PLCE1: variants seen among roughly 807,000 people sequenced by gnomAD.
PLCE1 encodes the protein 1-phosphatidylinositol 4,5-bisphosphate phosphodiesterase epsilon-1.
A neutral mutation model predicts 242.8 loss-of-function variants in PLCE1; 119 were observed. That is an observed-to-expected ratio of 0.49 (90% CI 0.42 to 0.57). PLCE1 has a LOEUF of 0.57. Among genes scored for constraint, PLCE1 ranks in the 20% least tolerant of loss-of-function variants. PLCE1 has a pLI of 0.00. For missense variants in PLCE1, 2,441 were observed against 2,788.8 expected (o/e 0.88, Z 2.81); for synonymous variants, 945 against 1,017.4 (o/e 0.93, Z 1.35).
chr10:94,062,981 C>T (rs563190140), intron 2 of PLCE1, among the ~76,000 whole-genome samples: 2 of 152,282 alleles, frequency 1.3e-5, no homozygotes, highest in East Asian at 1.9e-4. Flanking sequence ...CTGGCACTCA[C>T]CTTCCATTGC....
chr10:94,095,383 ATCTC>A (rs920035656), intron 2 of PLCE1, among the ~76,000 whole-genome samples: 3 of 151,436 alleles, frequency 2.0e-5, no homozygotes. Flanking sequence ...TTGAGACAGG[ATCTC>A]TCTCTGTCAC....
Position 94,259,077 on chromosome 10 carries a change from T to G in PLCE1, c.3741T>G (p.Ser1247=). 6.2e-7 allele frequency: 1 copy of G among 1,614,112 alleles called. No individual in the cohort carries two copies. The highest frequency in any genetic ancestry group is 1.3e-5 in the African/African-American group (1 of 75,048). Residue 1247 remains serine (S), a synonymous_variant, in exon 13 of 33, where the codon TCT becomes TCG. Transcript: ENST00000371380. The part of the protein sequence containing the change: ...FDVYAVPCNR[S]GSESAPLYTN... Reference sequence around the variant, plus strand: ...TCTATGCAGTGCCCTGCAACCGATCTGGCTCCGAGTCAGCCCCACTCTACA... The same window carrying G: ...TCTATGCAGTGCCCTGCAACCGATCGGGCTCCGAGTCAGCCCCACTCTACA...
intron 13 of PLCE1, among the ~76,000 whole-genome samples, chr10:94,260,190 T>C (rs934611921): frequency 1.3e-5 from 2 of 152,136 alleles, no homozygotes; most frequent in African/African-American, 4.8e-5. Flanking sequence ...AGTTGTGTGT[T>C]CAATCACAGG....
intron 4 of PLCE1, among the ~76,000 whole-genome samples, chr10:94,171,804 C>A (rs2047988975): frequency 6.6e-6 from 1 of 152,112 alleles, no homozygotes; most frequent in South Asian, 2.1e-4. Context: ...TCTCCCCTAC[C>A]AACCCCTCAT....
At chr10:94,192,615 A>G (rs1400976534) in intron 4 of PLCE1, among the ~76,000 whole-genome samples, 4 of 152,092 alleles carry the variant, frequency 2.6e-5, no homozygotes, top group African/African-American at 7.2e-5. Flanking sequence ...ATGTTTTCCT[A>G]TTGTAAATAG....
At chr10:94,191,933 G>C (rs1439957649) in intron 4 of PLCE1, among the ~76,000 whole-genome samples, 2 of 152,196 alleles carry the variant, frequency 1.3e-5, no homozygotes, top group Non-Finnish European at 2.9e-5. Context: ...CTGAGAGGAT[G>C]ACCTACATCA....
chr10:94,295,596 A>T (rs1342256441), intron 23 of PLCE1, among the ~76,000 whole-genome samples: 1 of 152,174 alleles, frequency 6.6e-6, no homozygotes, highest in African/African-American at 2.4e-5. Context: ...TCCTCCCATG[A>T]ATCATGAATG....
intron 2 of PLCE1, among the ~76,000 whole-genome samples, chr10:94,034,351 T>G (rs1206895151): frequency 1.3e-5 from 2 of 152,166 alleles, no homozygotes; most frequent in Non-Finnish European, 2.9e-5. Context: ...GCTAAATAAT[T>G]TACATATTCC....
At chr10:94,310,786 G>T (rs1030922052) in intron 27 of PLCE1, among the ~76,000 whole-genome samples, 1 of 152,120 alleles carries the variant, frequency 6.6e-6, no homozygotes, top group Non-Finnish European at 1.5e-5. Flanking sequence ...TCTGGCAACA[G>T]CTGGGTGTCC....
rs117149466 is a variant in PLCE1, at chr10:94,326,363, T to A, written c.*24+1259T>A. ...AAGAAGGCCCAATACATTGAGATCA[T>A]GTTTCCACATTTAAAGAGCAACTCC... On this transcript the variant is annotated intron_variant, in intron 32 of 32. Coordinates refer to ENST00000371380, the MANE Select transcript of PLCE1 (RefSeq NM_016341.4). Among the ~76,000 whole-genome samples, 814 of 152,340 alleles carry A rather than the reference T, an allele frequency of 5.3e-3. 4 individuals are homozygous for A. The highest frequency in any genetic ancestry group is 9.2e-3 in the Non-Finnish European group (624 of 68,030).
chr10:94,019,025 A>G (rs1838248101), intron 1 of PLCE1, among the ~76,000 whole-genome samples: 1 of 152,194 alleles, frequency 6.6e-6, no homozygotes, highest in Non-Finnish European at 1.5e-5. Context: ...AGAGGTTTTT[A>G]TAATGATAAG....
chr10:94,139,601 A>G (rs779991871), intron 3 of PLCE1: 5 of 152,228 alleles, frequency 3.3e-5, no homozygotes, highest in Non-Finnish European at 5.9e-5. Flanking sequence ...TTTATTTACT[A>G]AACATAAATA....
chr10:94,068,857 G>A (rs759740072), intron 2 of PLCE1, among the ~76,000 whole-genome samples: 1 of 152,164 alleles, frequency 6.6e-6, no homozygotes, highest in African/African-American at 2.4e-5. Flanking sequence ...AGTACCACTC[G>A]ACTGTATTAA....
At chr10:94,256,375 TAGAA>T (rs1407026884) in intron 11 of PLCE1, among the ~76,000 whole-genome samples, 2 of 133,792 alleles carry the variant, frequency 1.5e-5, no homozygotes, top group Non-Finnish European at 1.6e-5. Context: ...AAACAGAAAA[TAGAA>T]AGAAAAAAGA....
chr10:94,262,267 C>T (rs140353344), intron 13 of PLCE1, among the ~76,000 whole-genome samples: 164 of 152,246 alleles, frequency 1.1e-3, no homozygotes, highest in Middle Eastern at 3.4e-3. Flanking sequence ...TCCCAAAGTG[C>T]TAGGATTACA....
At chr10:94,108,168 G>A (rs1325307279) in intron 2 of PLCE1, among the ~76,000 whole-genome samples, 2 of 152,186 alleles carry the variant, frequency 1.3e-5, no homozygotes, top group Non-Finnish European at 2.9e-5. Flanking sequence ...GTTTCTGAAA[G>A]AACATCCCAG....
intron 3 of PLCE1, among the ~76,000 whole-genome samples, chr10:94,143,262 G>C (rs2047023482): frequency 6.6e-6 from 1 of 152,162 alleles, no homozygotes; most frequent in African/African-American, 2.4e-5. Context: ...AGAGTAGAAA[G>C]ATGCTAAGCA....
chr10:94,297,518 T>G (rs1589498258), intron 23 of PLCE1, among the ~76,000 whole-genome samples: 1 of 132,222 alleles, frequency 7.6e-6, no homozygotes, highest in Non-Finnish European at 1.6e-5. Flanking sequence ...AGACACAAAG[T>G]GAATACATGC....
chr10:94,186,848 G>A (rs990017250), intron 4 of PLCE1, among the ~76,000 whole-genome samples: 2 of 152,276 alleles, frequency 1.3e-5, no homozygotes, highest in South Asian at 2.1e-4. Context: ...AATTTCTCTC[G>A]CATTCGTTGA....
Sources: gnomAD v4.1 joint callset for allele counts (sites outside exome capture counted in the v4.1 genomes callset) on GRCh38, gnomAD v4.1.1 for gene constraint, MANE v1.5 for transcripts, NCBI Gene and HGNC (gene_info 2026-07-23, HGNC 2026-07-21) for gene names.